The following ZBTB16 variants were observed in gnomAD, a reference collection of about 807,000 sequenced individuals.
The protein encoded by ZBTB16 is zinc finger and BTB domain containing 16.
ZBTB16 carries 8 observed loss-of-function variants against 56.8 expected under a neutral mutation model. That is an observed-to-expected ratio of 0.14 (90% CI 0.08 to 0.25). The LOEUF is 0.25. Among genes scored for constraint, ZBTB16 ranks in the 10% least tolerant of loss-of-function variants. The pLI is 1.00. For missense variants in ZBTB16, 625 were observed against 903.0 expected (o/e 0.69, Z 3.95); for synonymous variants, 363 against 368.5 (o/e 0.98, Z 0.17).
chr11:114,232,951 T>A (rs1193297744), intron 4 of ZBTB16, among the ~76,000 whole-genome samples: 1 of 152,164 alleles, frequency 6.6e-6, no homozygotes, highest in Non-Finnish European at 1.5e-5. Context: ...CCGTGACCTT[T>A]GCCCTAGTCC....
At chr11:114,096,951 C>CA (rs200566359) in intron 2 of ZBTB16, among the ~76,000 whole-genome samples, 189 of 151,278 alleles carry the variant, frequency 1.2e-3, no homozygotes, top group East Asian at 4.9e-3. Context: ...CACACACACA[C>CA]CCCCTAAATA....
chr11:114,074,824 C>T (rs996499340), intron 2 of ZBTB16, among the ~76,000 whole-genome samples: 1 of 152,206 alleles, frequency 6.6e-6, no homozygotes, highest in African/African-American at 2.4e-5. Context: ...CTGTGCGGGC[C>T]GGGGAGACCC....
rs559304132 is a variant in ZBTB16, at chr11:114,080,814, C to A, written c.1268+16246C>A. Among the ~76,000 whole-genome samples, 8 of 152,298 alleles carry A rather than the reference C, an allele frequency of 5.3e-5. No homozygotes were observed. The South Asian group carries it at 1.7e-3, about 32-fold the overall frequency. On this transcript the variant is annotated intron_variant, in intron 2 of 6. Transcript: ENST00000335953. ...TCACTAGCTAAGGTTTGTTTATTTT[C>A]GGAAGGTTGAGGAATAGCACAGAGA...
intron 4 of ZBTB16, among the ~76,000 whole-genome samples, chr11:114,190,547 AAT>A (rs1943466562): frequency 1.3e-5 from 2 of 152,198 alleles, no homozygotes; most frequent in East Asian, 3.8e-4. Flanking sequence ...AAACTTGAAA[AAT>A]CCTAAGTCGG....
At chr11:114,231,529 C>T (rs770143508) in intron 4 of ZBTB16, among the ~76,000 whole-genome samples, 9 of 152,078 alleles carry the variant, frequency 5.9e-5, no homozygotes, top group Non-Finnish European at 1.3e-4. Flanking sequence ...ACTGGTAGTC[C>T]CCTAGAAAAG....
rs148875405 is a variant in ZBTB16, at chr11:114,215,721, C to T, written c.1454-26446C>T. ...GAGCTGCTTCAGTTGTGAGTGGGCA[C>T]ATATATAGATGCCCTTATCTTTTTA... On this transcript the variant is annotated intron_variant, in intron 4 of 6. Transcript: ENST00000335953. 2.5e-4 allele frequency among the ~76,000 whole-genome samples: 38 copies of T among 152,316 alleles called. No individual in the cohort carries two copies. The East Asian group carries it at 7.1e-3, about 29-fold the overall frequency.
intron 6 of ZBTB16, among the ~76,000 whole-genome samples, chr11:114,249,689 C>T (rs529619109): frequency 2.9e-5 from 4 of 136,912 alleles, no homozygotes; most frequent in South Asian, 2.4e-4. Flanking sequence ...GGCGTGAACC[C>T]GGGAAGCGGA....
At chr11:114,099,184 C>T (rs933883568) in intron 2 of ZBTB16, among the ~76,000 whole-genome samples, 8 of 152,082 alleles carry the variant, frequency 5.3e-5, no homozygotes, top group South Asian at 2.1e-4. Context: ...CTAAAACAAC[C>T]GTGATCTTAC....
chr11:114,105,058 A>T (rs1170730186), intron 2 of ZBTB16, among the ~76,000 whole-genome samples: 1 of 152,090 alleles, frequency 6.6e-6, no homozygotes, highest in African/African-American at 2.4e-5. Context: ...AAAACAATAG[A>T]CCAGTTGGTA....
chr11:114,165,666 C>T (rs570836961), intron 3 of ZBTB16, among the ~76,000 whole-genome samples: 5 of 152,130 alleles, frequency 3.3e-5, no homozygotes, highest in Admixed American at 6.5e-5. Context: ...GAGCCTCTCC[C>T]AGGAAAGGGG....
intron 6 of ZBTB16, among the ~76,000 whole-genome samples, chr11:114,249,593 G>A (rs1476288373): frequency 7.9e-5 from 11 of 139,588 alleles, no homozygotes; most frequent in Non-Finnish European, 1.5e-4. Context: ...GTGAAACCCC[G>A]TCTCTACTAA....
intron 4 of ZBTB16, among the ~76,000 whole-genome samples, chr11:114,195,176 T>C (rs1943576724): frequency 6.6e-6 from 1 of 152,132 alleles, no homozygotes; most frequent in South Asian, 2.1e-4. Flanking sequence ...TGGTGTTAAT[T>C]AGAGGGCAGC....
chr11:114,186,318 C>G (rs1351808559), intron 3 of ZBTB16, among the ~76,000 whole-genome samples: 3 of 152,146 alleles, frequency 2.0e-5, no homozygotes, highest in South Asian at 2.1e-4. Context: ...TTCAGTGTAG[C>G]TGGAGAAAAG....
intron 3 of ZBTB16, among the ~76,000 whole-genome samples, chr11:114,169,788 A>G (rs660800): frequency 0.21 from 31,797 of 151,980 alleles, 4,410 homozygotes; most frequent in African/African-American, 0.4. Flanking sequence ...GAACCAGGGG[A>G]ATGAGGAGAG....
At chr11:114,116,189 G>A (rs1941170380) in intron 2 of ZBTB16, among the ~76,000 whole-genome samples, 2 of 152,288 alleles carry the variant, frequency 1.3e-5, no homozygotes, top group Non-Finnish European at 2.9e-5. Flanking sequence ...GAAGTGAGGG[G>A]TGATGGGGAC....
chr11:114,191,701 A>G (rs149959189), intron 4 of ZBTB16, among the ~76,000 whole-genome samples: 2 of 152,354 alleles, frequency 1.3e-5, no homozygotes, highest in African/African-American at 4.8e-5. Context: ...TATTTAAGAC[A>G]AAATTGTCTA....
chr11:114,185,986 T>C (rs1187031831), intron 3 of ZBTB16, among the ~76,000 whole-genome samples: 1 of 152,224 alleles, frequency 6.6e-6, no homozygotes, highest in Non-Finnish European at 1.5e-5. Flanking sequence ...GATGCAGCTG[T>C]GCACAAGACG....
At chr11:114,202,919 A>G (rs543116897) in intron 4 of ZBTB16, among the ~76,000 whole-genome samples, 4 of 152,196 alleles carry the variant, frequency 2.6e-5, no homozygotes, top group Non-Finnish European at 5.9e-5. Context: ...GAGACAAATG[A>G]CAACCTAATA....
chr11:114,172,028 G>A (rs1275304363), intron 3 of ZBTB16, among the ~76,000 whole-genome samples: 1 of 152,176 alleles, frequency 6.6e-6, no homozygotes, highest in African/African-American at 2.4e-5. Flanking sequence ...GTGTAGAAGA[G>A]CCTGGTCCAG....
Sources: allele counts gnomAD v4.1 joint callset (sites outside exome capture counted in the v4.1 genomes callset), GRCh38; gene constraint gnomAD v4.1.1; transcripts MANE v1.5; gene names NCBI Gene and HGNC (gene_info 2026-07-23, HGNC 2026-07-21).